The following CFAP44 variants were observed in gnomAD, a reference collection of about 807,000 sequenced individuals.
The protein encoded by CFAP44 is cilia- and flagella-associated protein 44.
In CFAP44, 134 loss-of-function variants were observed where a neutral mutation model predicts 216.2. That is an observed-to-expected ratio of 0.62 (90% confidence interval 0.54 to 0.72). The LOEUF (loss-of-function observed/expected upper bound fraction) is 0.72. Ranked by LOEUF, CFAP44 falls within the 30% of genes least tolerant of loss-of-function variation. The pLI, the probability that CFAP44 is intolerant of heterozygous loss-of-function variation, is 0.00. For synonymous variants in CFAP44, 700 were observed against 727.6 expected (o/e 0.96, Z 0.61); for missense variants, 2,035 against 2,182.1 (o/e 0.93, Z 1.34).
intron 22 of CFAP44, among the ~76,000 whole-genome samples, chr3:113,358,259 C>T (rs764478319): frequency 2.6e-4 from 39 of 151,772 alleles, no homozygotes; most frequent in Middle Eastern, 3.2e-3. Flanking sequence ...TATATTTATA[C>T]ATCTGTAAAA....
intron 25 of CFAP44, among the ~76,000 whole-genome samples, chr3:113,332,134 C>T (rs1950245971): frequency 1.3e-5 from 2 of 152,146 alleles, no homozygotes; most frequent in Non-Finnish European, 2.9e-5. Flanking sequence ...CATACCTGCC[C>T]ATCTCCTCTA....
intron 15 of CFAP44, among the ~76,000 whole-genome samples, chr3:113,393,678 G>A (rs887690022): frequency 4.0e-5 from 6 of 151,640 alleles, no homozygotes; most frequent in Non-Finnish European, 7.4e-5. Flanking sequence ...ACCATACCTG[G>A]CTAATTTTTG....
Position 113,380,937 on chromosome 3 carries a change from T to C in CFAP44, c.2014A>G (p.Lys672Glu), listed in dbSNP as rs1337111693. ...VSYEIKDMCI[K>E]CFHFSSVKSK... ...TTGACACTTGAAAAATGGAAACATT[T>C]TATGCACATGTCTTTGATTTCATAG... Residue 672 changes from lysine (K) to glutamate (E), a missense_variant, in exon 16 of 35, where the codon AAA becomes GAA. Physicochemically the swap from Lys to Glu is moderately conservative, Grantham distance 56. This residue lies in a region of CFAP44 where 1,883 missense variants were observed against 2,023.7 expected (regional missense o/e 0.93). Transcript: ENST00000393845. The C allele has an allele frequency of 6.3e-7, 1 of 1,590,314 alleles. No homozygotes were observed. Among genetic ancestry groups the C allele is most frequent in the Admixed American group, 1.7e-5 (1 of 57,296 alleles).
At chr3:113,368,800 T>C (rs1189275022) in intron 18 of CFAP44, among the ~76,000 whole-genome samples, 6 of 152,102 alleles carry the variant, frequency 3.9e-5, no homozygotes, top group African/African-American at 1.4e-4. Flanking sequence ...ACTGGCAAAT[T>C]GGATAAAAAG....
chr3:113,353,774 G>A (rs1950467627), intron 22 of CFAP44, among the ~76,000 whole-genome samples: 1 of 152,168 alleles, frequency 6.6e-6, no homozygotes, highest in South Asian at 2.1e-4. Flanking sequence ...GTCAGAGAGA[G>A]AGAACCAGAG....
In CFAP44 at chr3:113,426,183, A is replaced by T. The variant is rs753643925; in HGVS notation, c.348T>A (p.Leu116=). The T allele has an allele frequency of 1.9e-6, 3 of 1,614,178 alleles. No individual in the cohort carries two copies. The East Asian group carries it at 6.7e-5, about 36-fold the overall frequency. The change falls in exon 4 of 35, where the codon CTT becomes CTA. Residue 116 remains leucine, a synonymous_variant. Coordinates refer to ENST00000393845, the MANE Select transcript of CFAP44 (RefSeq NM_001164496.2). ...CCAGAGTCACAAAAGGCATCGAAGC[A>T]AGCTCCATATAATCATAGAAGAAGC... ...SESFFYDYME[L]ASMPFVTLDS...
At chr3:113,318,957 C>CAAAAAAAAAAAAAA (rs59028965) in intron 28 of CFAP44, among the ~76,000 whole-genome samples, 2 of 144,646 alleles carry the variant, frequency 1.4e-5, no homozygotes, top group East Asian at 4.0e-4. Flanking sequence ...AATAAAAAAA[C>CAAAAAAAAAAAAAA]AAAAAAAAAC....
intron 12 of CFAP44, 24 bp downstream of exon 12, chr3:113,400,520 AT>A (rs769229204): frequency 6.6e-7 from 1 of 1,526,544 alleles, no homozygotes; most frequent in South Asian, 1.3e-5. Flanking sequence ...GGCCAGACAT[AT>A]TTTTATTAAG....
rs1950363165 is a variant in CFAP44 at position 113,344,514 on chromosome 3, A to G, written c.3262+2T>C. ...TTTAAAAGCCTTCTTGTCATAGGCT[A>G]CCTGCATCTCTCTGGCTGTCCTTTC... On this transcript the variant is annotated splice_donor_variant, in intron 23 of 34. Coordinates refer to ENST00000393845, the MANE Select transcript of CFAP44 (RefSeq NM_001164496.2). LOFTEE classifies it high-confidence loss of function. 1.3e-6 allele frequency: 2 copies of G among 1,535,796 alleles called. No homozygotes were observed. The highest frequency in any genetic ancestry group is 8.7e-7 in the Non-Finnish European group (1 of 1,146,362).
chr3:113,389,113 C>T (rs1933728277), intron 15 of CFAP44, among the ~76,000 whole-genome samples: 1 of 152,090 alleles, frequency 6.6e-6, no homozygotes, highest in Non-Finnish European at 1.5e-5. Flanking sequence ...TAAGAACAGA[C>T]CATATGTTAG....
chr3:113,354,173 T>C (rs752602922), intron 22 of CFAP44, among the ~76,000 whole-genome samples: 1 of 152,102 alleles, frequency 6.6e-6, no homozygotes, highest in Non-Finnish European at 1.5e-5. Context: ...GAGATTAAGA[T>C]GGCAGATAGG....
chr3:113,369,625 A>C (rs1299448149), intron 18 of CFAP44, among the ~76,000 whole-genome samples: 2 of 152,240 alleles, frequency 1.3e-5, no homozygotes, highest in Non-Finnish European at 1.5e-5. Flanking sequence ...AAGAGAAAGC[A>C]GGAAAGACTT....
intron 23 of CFAP44, among the ~76,000 whole-genome samples, chr3:113,343,969 T>C (rs1291442996): frequency 1.3e-5 from 2 of 152,362 alleles, no homozygotes; most frequent in East Asian, 3.9e-4. Context: ...CTTTTACTAA[T>C]CTGCAGTCAC....
chr3:113,378,345 C>T (rs1933410842), intron 17 of CFAP44, among the ~76,000 whole-genome samples: 1 of 152,112 alleles, frequency 6.6e-6, no homozygotes, highest in Non-Finnish European at 1.5e-5. Flanking sequence ...AGACGACAGG[C>T]AGAAAGGGTA....
intron 21 of CFAP44, chr3:113,360,843 A>T (rs751550672): frequency 5.3e-6 from 1 of 186,922 alleles, no homozygotes; most frequent in Non-Finnish European, 1.1e-5. Context: ...ATCTACTTTT[A>T]TAAAGTAGGG....
At position 113,396,661 on chromosome 3, in the gene CFAP44, A is replaced by G; in HGVS notation, c.1636T>C (p.Tyr546His). ...AAAATCGTGAGCCCTTTTGGATCAT[A>G]AAGTTCAAGAATTCGAACAACTCCA... ...EDGVVRILEL[Y>H]DPKGLTIFAG... The change falls in exon 14 of 35, where the codon TAT becomes CAT. Residue 546 changes from tyrosine (Y) to histidine (H), a missense_variant. Physicochemically the swap from Tyr to His is moderately conservative, Grantham distance 83. This residue lies in a region of CFAP44 where 1,883 missense variants were observed against 2,023.7 expected (regional missense o/e 0.93). Transcript: ENST00000393845. 5.0e-6 allele frequency: 8 copies of G among 1,614,130 alleles called. No homozygotes were observed. The highest frequency in any genetic ancestry group is 6.8e-6 in the Non-Finnish European group (8 of 1,180,002).
chr3:113,318,224 T>C (rs897989262), intron 28 of CFAP44, among the ~76,000 whole-genome samples: 16 of 152,188 alleles, frequency 1.1e-4, no homozygotes, highest in South Asian at 4.2e-4. Context: ...TTTTAAAGTT[T>C]TTAAACATTT....
chr3:113,363,085 G>A (rs1271590675), intron 21 of CFAP44, 60 bp downstream of exon 21: 6 of 1,448,866 alleles, frequency 4.1e-6, no homozygotes, highest in Middle Eastern at 1.9e-4. Flanking sequence ...TGGGAAAATA[G>A]TCATCTCTAT....
At position 113,331,285 on chromosome 3, in the gene CFAP44, G is replaced by A. The variant is rs1420810674; in HGVS notation, c.3616-617C>T. Among the ~76,000 whole-genome samples the A allele has an allele frequency of 2.6e-5, 4 of 151,832 alleles. No homozygotes were observed. In the South Asian group the frequency reaches 6.3e-4, roughly 24 times the overall value. On this transcript the variant is annotated intron_variant, in intron 25 of 34. Transcript: ENST00000393845. Reference sequence around the variant, plus strand: ...GCTGTGCCTCTGCTTCCAGGCACAGGGGCTATACAATCTCATTGCTCTTTC... The same window carrying A: ...GCTGTGCCTCTGCTTCCAGGCACAGAGGCTATACAATCTCATTGCTCTTTC...
Sources: gnomAD v4.1 joint callset for allele counts (sites outside exome capture counted in the v4.1 genomes callset) on GRCh38, gnomAD v4.1.1 for gene constraint, gnomAD v4.1.1 regional missense constraint, MANE v1.5 for transcripts, NCBI Gene and HGNC (gene_info 2026-07-23, HGNC 2026-07-21) for gene names.